Variants in RIPK2 observed in about 807,000 individuals in gnomAD.
RIPK2 encodes the protein receptor interacting serine/threonine kinase 2.
A neutral mutation model predicts 60.9 loss-of-function variants in RIPK2; 38 were observed. The observed-to-expected ratio is 0.62, with a 90% confidence interval of 0.48 to 0.82. The LOEUF is 0.82. RIPK2 is among the 40% of genes least tolerant of loss of function. The pLI is 0.00. For synonymous variants in RIPK2, 225 were observed against 223.4 expected (o/e 1.01, Z -0.06); for missense variants, 518 against 647.0 (o/e 0.80, Z 2.16).
At chr8:89,759,202 T>A in intron 1 of RIPK2, 1 of 433,242 alleles carries the variant, frequency 2.3e-6, no homozygotes, top group Middle Eastern at 3.6e-4. Context: ...TTTGTACAGG[T>A]TTTAAGGGAA....
chr8:89,760,865 A>G (rs1340873657), intron 1 of RIPK2, among the ~76,000 whole-genome samples: 1 of 151,996 alleles, frequency 6.6e-6, no homozygotes, highest in African/African-American at 2.4e-5. Flanking sequence ...TGCAGCATGC[A>G]CTCTCTATTG....
Position 89,789,307 on chromosome 8 carries a change from G to T in RIPK2, c.1124-14G>T. On this transcript the variant is annotated splice_polypyrimidine_tract_variant and intron_variant, in intron 9 of 10. Coordinates refer to ENST00000220751, the MANE Select transcript of RIPK2 (RefSeq NM_003821.6). ...GGAGTATTCTACTTCTAATGAAGAT[G>T]TTGTATTTTGTAGGAAAAGCTCAAG... is the stretch of plus-strand genomic sequence containing the variant. 1.2e-6 allele frequency: 2 copies of T among 1,610,794 alleles called. No homozygotes were observed. Among genetic ancestry groups the T allele is most frequent in the Non-Finnish European group, 1.7e-6 (2 of 1,177,574 alleles).
chr8:89,786,451 G>GC, intron 8 of RIPK2, 142 bp from the exon 9 acceptor site: 1 of 585,476 alleles, frequency 1.7e-6, no homozygotes, highest in Non-Finnish European at 3.0e-6. Flanking sequence ...TCCAGACTGG[G>GC]CAACAGAGTG....
rs1446195347 is a variant in RIPK2, at chr8:89,765,222, G to T, written c.328-119G>T. On this transcript the variant is annotated intron_variant, in intron 2 of 10. Transcript: ENST00000220751. ...AATTGGTGCTATTTTATAAAAATGA[G>T]CATATGTTTTAACCTTAGTTTATAC... 7 of 608,840 alleles carry T rather than the reference G, an allele frequency of 1.1e-5. No homozygotes were observed. In the Admixed American group the frequency reaches 2.1e-4, roughly 18 times the overall value. 37.7% of individuals were successfully genotyped at this position (608,840 alleles called of 1,614,324 possible).
At chr8:89,785,611 GA>G (rs752338303) in intron 8 of RIPK2, among the ~76,000 whole-genome samples, 1 of 151,884 alleles carries the variant, frequency 6.6e-6, no homozygotes, top group Admixed American at 6.6e-5. Context: ...TCCAAAATCT[GA>G]AAAAAATCCA....
Position 89,790,111 on chromosome 8 carries a change from A to G in RIPK2, c.1318A>G (p.Ile440Val). The stretch of plus-strand genomic sequence containing the variant: ...GCAGCCTGGTATAGCCCAGCAGTGG[A>G]TCCAGAGCAAAAGGGAAGACATTGT... ...RLQPGIAQQW[I>V]QSKREDIVNQ... Residue 440 changes from isoleucine to valine, a missense_variant, in exon 11 of 11, where the codon ATC (isoleucine) becomes GTC (valine). Transcript: ENST00000220751. 3 of 1,614,074 alleles carry G rather than the reference A, an allele frequency of 1.9e-6. No individual in the cohort carries two copies. Among genetic ancestry groups the G allele is most frequent in the Non-Finnish European group, 2.5e-6 (3 of 1,179,982 alleles).
chr8:89,762,780 A>C (rs1209744503), intron 1 of RIPK2, 49 bp from the exon 2 acceptor site: 1 of 1,097,106 alleles, frequency 9.1e-7, no homozygotes, highest in African/African-American at 1.6e-5. Context: ...AGGCATGATA[A>C]TTGTATATTT....
Position 89,790,471 on chromosome 8 carries a change from T to A in RIPK2, c.*55T>A. 3.1e-6 allele frequency: 4 copies of A among 1,294,224 alleles called. No individual in the cohort carries two copies. Among genetic ancestry groups the A allele is most frequent in the Non-Finnish European group, 4.2e-6 (4 of 946,488 alleles). The allele number at this position is 1,294,224 out of a possible 1,614,324, so 80.2% of individuals were successfully genotyped here. ...CATAAAAGGATATTTATATCTCTGT[T>A]GCTTTGACTTTTTTTATATAAAATC... On this transcript the variant is annotated 3_prime_UTR_variant, in exon 11 of 11. Transcript: ENST00000220751.
intron 7 of RIPK2, among the ~76,000 whole-genome samples, chr8:89,781,222 G>A (rs1167303638): frequency 3.3e-5 from 5 of 151,978 alleles, no homozygotes; most frequent in Non-Finnish European, 7.4e-5. Flanking sequence ...GTTTCAAAGG[G>A]AAATGCATAA....
rs201740409 is a variant in RIPK2, at chr8:89,784,112, C to T, written c.1002C>T (p.Asn334=). ...CDKKKMELSL[N]IPVNHGPQEE... is the part of the protein sequence containing the mutation. ...AGAAGAAAATGGAATTATCTCTGAA[C>T]ATACCTGTAAATCATGGTCCACAAG... Residue 334 remains asparagine, a synonymous_variant, in exon 8 of 11, where the codon AAC becomes AAT. Transcript: ENST00000220751. The T allele has an allele frequency of 3.4e-6, 3 of 880,840 alleles. No homozygotes were observed. The highest frequency in any genetic ancestry group is 5.0e-6 in the Non-Finnish European group (3 of 601,632). The allele number at this position is 880,840 out of a possible 1,614,324, so 54.6% of individuals were successfully genotyped here.
At chr8:89,774,973 G>A (rs1301005309) in intron 6 of RIPK2, among the ~76,000 whole-genome samples, 1 of 152,132 alleles carries the variant, frequency 6.6e-6, no homozygotes, top group African/African-American at 2.4e-5. Context: ...GTCATCACCG[G>A]TAATCCAAAC....
chr8:89,771,746 C>T lies in RIPK2; in HGVS notation c.647C>T (p.Ala216Val). Residue 216 changes from alanine (A) to valine (V), a missense_variant, in exon 5 of 11, where the codon GCA becomes GTA. This residue lies in a region of RIPK2 where 448 missense variants were observed against 534.7 expected (regional missense o/e 0.84). Transcript: ENST00000220751. The part of the protein sequence containing the change: ...ASIKHDIYSY[A>V]VITWEVLSRK... ...TATGTTCTTATGTTAAACAGCTATG[C>T]AGTTATCACATGGGAAGTGTTATCC... is the stretch of plus-strand genomic sequence containing the variant. 1.2e-6 allele frequency: 2 copies of T among 1,601,460 alleles called. No individual in the cohort carries two copies. The highest frequency in any genetic ancestry group is 2.2e-5 in the South Asian group (2 of 90,298).
At chr8:89,789,555 A>G in intron 10 of RIPK2, 73 bp downstream of exon 10, 2 of 1,399,102 alleles carry the variant, frequency 1.4e-6, no homozygotes, top group South Asian at 1.3e-5. Flanking sequence ...TGGATTTACC[A>G]TACAATGAGG....
At chr8:89,782,630 C>A (rs1809519466) in intron 7 of RIPK2, among the ~76,000 whole-genome samples, 1 of 150,612 alleles carries the variant, frequency 6.6e-6, no homozygotes. Flanking sequence ...CATACCAAGA[C>A]CCTGTCTCTT....
At chr8:89,768,155 T>C (rs926017626) in intron 3 of RIPK2, among the ~76,000 whole-genome samples, 2 of 151,652 alleles carry the variant, frequency 1.3e-5, no homozygotes, top group Non-Finnish European at 3.0e-5. Flanking sequence ...CAAAAAACCC[T>C]TGGAGGTTCT....
At chr8:89,767,574 T>C (rs1054411076) in intron 3 of RIPK2, among the ~76,000 whole-genome samples, 4 of 151,640 alleles carry the variant, frequency 2.6e-5, no homozygotes, top group Non-Finnish European at 1.5e-5. Flanking sequence ...AACCATCAAG[T>C]AGAAATACCT....
intron 1 of RIPK2, among the ~76,000 whole-genome samples, 198 bp from the exon 2 acceptor site, chr8:89,762,631 C>T (rs1482171002): frequency 6.6e-6 from 1 of 152,002 alleles, no homozygotes; most frequent in Non-Finnish European, 1.5e-5. Flanking sequence ...TTAGTTTGGT[C>T]TCTAAACAGA....
chr8:89,780,345 T>C (rs1809477932), intron 7 of RIPK2, 185 bp downstream of exon 7: 3 of 346,480 alleles, frequency 8.7e-6, no homozygotes. Context: ...AAAGCTTTTC[T>C]ATTTCATTCA....
rs369837533 is a variant in RIPK2, at chr8:89,767,811, A to G, written c.484-1961A>G. On this transcript the variant is annotated intron_variant, in intron 3 of 10. Coordinates refer to ENST00000220751, the MANE Select transcript of RIPK2 (RefSeq NM_003821.6). ...TTACTTCAGCAAGACAGCCCTTTCA[A>G]TATTTGAAGATAGCTATGAGCTGTC... 3.3e-5 allele frequency among the ~76,000 whole-genome samples: 5 copies of G among 151,912 alleles called. 1 individual carries two copies. In the Middle Eastern group the frequency reaches 0.017, roughly 517 times the overall value.
Sources: gnomAD v4.1 joint callset for allele counts (sites outside exome capture counted in the v4.1 genomes callset) on GRCh38, gnomAD v4.1.1 for gene constraint, gnomAD v4.1.1 regional missense constraint, MANE v1.5 for transcripts, NCBI Gene and HGNC (gene_info 2026-07-23, HGNC 2026-07-21) for gene names.